HS3ST4: variants seen among roughly 807,000 people sequenced by gnomAD.
HS3ST4 encodes the protein heparan sulfate-glucosamine 3-sulfotransferase 4.
A neutral mutation model predicts 29.2 loss-of-function variants in HS3ST4; 17 were observed. That is an observed-to-expected ratio of 0.58 (90% CI 0.40 to 0.87). The LOEUF (loss-of-function observed/expected upper bound fraction) is 0.87, where lower values mean the gene tolerates loss of function less well. Ranked by LOEUF, HS3ST4 falls within the 40% of genes least tolerant of loss-of-function variation. HS3ST4 has a pLI of 0.00. For missense variants in HS3ST4, 627 were observed against 634.5 expected, an observed-to-expected ratio of 0.99 and a Z score of 0.13; for synonymous variants, 314 against 285.7, an observed-to-expected ratio of 1.10 and a Z score of -1.00.
intron 1 of HS3ST4, among the ~76,000 whole-genome samples, chr16:25,986,100 A>G (rs1483024484): frequency 6.6e-6 from 1 of 152,112 alleles, no homozygotes; most frequent in East Asian, 1.9e-4. Flanking sequence ...CTCTGACCAC[A>G]CTATTTAAAA....
chr16:26,034,842 G>T (rs1969568765), intron 1 of HS3ST4, among the ~76,000 whole-genome samples: 1 of 152,248 alleles, frequency 6.6e-6, no homozygotes, highest in Non-Finnish European at 1.5e-5. Flanking sequence ...AATTAGCTGG[G>T]TGTGGTGGTG....
intron 1 of HS3ST4, among the ~76,000 whole-genome samples, chr16:25,923,606 T>A (rs1320435500): frequency 6.6e-6 from 1 of 151,938 alleles, no homozygotes; most frequent in Non-Finnish European, 1.5e-5. Context: ...TCTACATTTT[T>A]CCTCCAAATT....
intron 1 of HS3ST4, among the ~76,000 whole-genome samples, chr16:25,816,728 C>T (rs755863913): frequency 1.1e-4 from 17 of 152,038 alleles, no homozygotes; most frequent in African/African-American, 3.6e-4. Flanking sequence ...TTACAGGCTA[C>T]GAAGTCAGGC....
intron 1 of HS3ST4, among the ~76,000 whole-genome samples, chr16:26,042,352 C>CTGTGTGTGTG (rs750450804): frequency 1.4e-5 from 2 of 145,946 alleles, no homozygotes; most frequent in African/African-American, 5.2e-5. Flanking sequence ...TGGCATTTAT[C>CTGTGTGTGTG]TCTGTGTGTG....
chr16:26,034,356 A>G (rs566505382), intron 1 of HS3ST4, among the ~76,000 whole-genome samples: 2 of 152,254 alleles, frequency 1.3e-5, no homozygotes, highest in East Asian at 3.9e-4. Context: ...AGCACCTTAC[A>G]TTCACCATCA....
At position 25,963,742 on chromosome 16, in the gene HS3ST4, A is replaced by G. The variant is rs138796921; in HGVS notation, c.735-171870A>G. Among the ~76,000 whole-genome samples the G allele has an allele frequency of 3.6e-3, 556 of 152,366 alleles. 1 individual carries two copies. Among genetic ancestry groups the G allele is most frequent in the African/African-American group, 0.013 (541 of 41,588 alleles). On this transcript the variant is annotated intron_variant, in intron 1 of 1. Coordinates refer to ENST00000331351, the MANE Select transcript of HS3ST4 (RefSeq NM_006040.3). The stretch of plus-strand genomic sequence containing the variant: ...GACCTGCAGGTATTTTAGCTGAATC[A>G]GGACAGCTTTGCTGAGGATTGACTA...
chr16:25,753,856 G>A (rs138039500), intron 1 of HS3ST4, among the ~76,000 whole-genome samples: 4 of 151,860 alleles, frequency 2.6e-5, no homozygotes, highest in East Asian at 3.9e-4. Context: ...AAATTTTCCC[G>A]TATTTATTCA....
intron 1 of HS3ST4, among the ~76,000 whole-genome samples, chr16:26,027,318 T>C (rs1028587422): frequency 1.3e-5 from 2 of 152,188 alleles, no homozygotes; most frequent in East Asian, 1.9e-4. Context: ...GTGGTTCTCA[T>C]TGGCCAGTAG....
chr16:25,693,463 C>A (rs963752599), intron 1 of HS3ST4, among the ~76,000 whole-genome samples: 5 of 152,218 alleles, frequency 3.3e-5, no homozygotes, highest in African/African-American at 1.2e-4. Flanking sequence ...CTCCTGCCTG[C>A]TGGGTGTTTC....
chr16:25,854,120 C>CT (rs68152422), intron 1 of HS3ST4, among the ~76,000 whole-genome samples: 18 of 78,528 alleles, frequency 2.3e-4, no homozygotes, highest in East Asian at 5.6e-4. Context: ...CACTCCATGT[C>CT]TTTTTTTTTT....
intron 1 of HS3ST4, among the ~76,000 whole-genome samples, chr16:26,044,618 T>G (rs761317257): frequency 1.3e-5 from 2 of 151,938 alleles, no homozygotes; most frequent in Non-Finnish European, 2.9e-5. Context: ...ACATGGTAAA[T>G]GTAAGTTAAA....
At chr16:25,756,946 A>G (rs1217332528) in intron 1 of HS3ST4, among the ~76,000 whole-genome samples, 1 of 152,220 alleles carries the variant, frequency 6.6e-6, no homozygotes, top group Admixed American at 6.5e-5. Context: ...TGTGCTATAC[A>G]TACGTCTTAT....
intron 1 of HS3ST4, among the ~76,000 whole-genome samples, chr16:25,995,683 A>G (rs1332586279): frequency 2.0e-5 from 3 of 152,204 alleles, no homozygotes; most frequent in African/African-American, 2.4e-5. Flanking sequence ...TGTGGAAGGT[A>G]AAGAACAGGC....
intron 1 of HS3ST4, among the ~76,000 whole-genome samples, chr16:26,004,851 T>G (rs1423759930): frequency 1.3e-5 from 2 of 152,206 alleles, no homozygotes; most frequent in Admixed American, 1.3e-4. Flanking sequence ...TTCAGACTCC[T>G]TGGTCACTTG....
At chr16:25,790,400 C>T (rs936982385) in intron 1 of HS3ST4, among the ~76,000 whole-genome samples, 10 of 152,188 alleles carry the variant, frequency 6.6e-5, no homozygotes, top group Non-Finnish European at 1.0e-4. Flanking sequence ...CAGAGTGAGA[C>T]GCTGTCTCAA....
intron 1 of HS3ST4, among the ~76,000 whole-genome samples, chr16:26,024,553 G>A (rs550225683): frequency 1.8e-4 from 28 of 152,158 alleles, no homozygotes; most frequent in African/African-American, 6.0e-4. Context: ...CCAATATGGT[G>A]AAACCCTGTC....
At chr16:25,967,565 C>A (rs185454886) in intron 1 of HS3ST4, among the ~76,000 whole-genome samples, 3 of 152,178 alleles carry the variant, frequency 2.0e-5, no homozygotes, top group Non-Finnish European at 2.9e-5. Context: ...CAAAATTGTC[C>A]GCCAGTCTTA....
intron 1 of HS3ST4, among the ~76,000 whole-genome samples, chr16:25,931,020 G>C (rs1046974044): frequency 5.3e-5 from 8 of 152,154 alleles, no homozygotes; most frequent in Non-Finnish European, 1.2e-4. Flanking sequence ...GTGATCTTCT[G>C]CTTTGGCTTC....
At chr16:25,978,970 T>C (rs1968974815) in intron 1 of HS3ST4, among the ~76,000 whole-genome samples, 1 of 149,938 alleles carries the variant, frequency 6.7e-6, no homozygotes, top group Admixed American at 6.7e-5. Flanking sequence ...GACGAGTTTC[T>C]CTCTGCAACC....
Sources: gnomAD v4.1 joint callset for allele counts (sites outside exome capture counted in the v4.1 genomes callset) on GRCh38, gnomAD v4.1.1 for gene constraint, MANE v1.5 for transcripts, NCBI Gene and HGNC (gene_info 2026-07-23, HGNC 2026-07-21) for gene names.